The following SCN4B variants were observed in gnomAD, a reference collection of about 807,000 sequenced individuals.
The protein encoded by SCN4B is sodium channel regulatory subunit beta-4.
A neutral mutation model predicts 19.6 loss-of-function variants in SCN4B; 20 were observed. That is an observed-to-expected ratio of 1.02 (90% confidence interval 0.72 to 1.48). The LOEUF (loss-of-function observed/expected upper bound fraction) is 1.48, where lower values mean the gene tolerates loss of function less well. Ranked by LOEUF, SCN4B falls within the 40% of genes most tolerant of loss-of-function variation. SCN4B has a pLI of 0.00. For missense variants in SCN4B, 271 were observed against 287.5 expected (o/e 0.94, Z 0.42); for synonymous variants, 127 against 122.8 (o/e 1.03, Z -0.22).
At chr11:118,139,241 C>G (rs1291451459) in intron 4 of SCN4B, among the ~76,000 whole-genome samples, 4 of 152,146 alleles carry the variant, frequency 2.6e-5, no homozygotes, top group Non-Finnish European at 5.9e-5. Context: ...AGCCCACTTC[C>G]CAGACTCTCT....
Position 118,135,900 on chromosome 11 carries a change from C to T in SCN4B, c.*1127G>A, listed in dbSNP as rs1165584827. 8 of 454,222 alleles carry T rather than the reference C, an allele frequency of 1.8e-5. No homozygotes were observed. Among genetic ancestry groups the T allele is most frequent in the Non-Finnish European group, 2.6e-5 (6 of 226,730 alleles). The allele number at this position is 454,222 out of a possible 1,614,324, so 28.1% of individuals were successfully genotyped here. On this transcript the variant is annotated 3_prime_UTR_variant, in exon 5 of 5. Transcript: ENST00000324727. The stretch of plus-strand genomic sequence containing the variant: ...CAACCCCAGGGTGGGAGGGGGTGGC[C>T]CAGCTGAGCAGGAAGCAGCTGGGAA...
At chr11:118,149,677 G>T (rs1948217231) in intron 1 of SCN4B, among the ~76,000 whole-genome samples, 1 of 152,204 alleles carries the variant, frequency 6.6e-6, no homozygotes, top group Admixed American at 6.5e-5. Context: ...CCAGCAGCAT[G>T]CCTGTCCCTC....
rs79939550 is a variant in SCN4B at position 118,148,225 on chromosome 11, G to A, written c.62-2996C>T. Reference sequence around the variant, plus strand: ...CGAGTGAAAGCATCAGAGAGGGTGGGCAAGCCTGGCTTCTTCAGTGCACAG... The same window carrying A: ...CGAGTGAAAGCATCAGAGAGGGTGGACAAGCCTGGCTTCTTCAGTGCACAG... On this transcript the variant is annotated intron_variant, in intron 1 of 4. Coordinates refer to ENST00000324727, the MANE Select transcript of SCN4B (RefSeq NM_174934.4). This position sits in a 1 kb window ranked among gnomAD's most constrained non-coding sequence, Gnocchi z 4.0. Among the ~76,000 whole-genome samples the A allele has an allele frequency of 3.9e-4, 59 of 152,344 alleles. No individual in the cohort carries two copies. Among genetic ancestry groups the A allele is most frequent in the Middle Eastern group, 3.4e-3 (1 of 294 alleles).
chr11:118,145,471 G>C (rs1307456983), intron 1 of SCN4B: 1 of 1,435,104 alleles, frequency 7.0e-7, no homozygotes, highest in Non-Finnish European at 9.2e-7. Flanking sequence ...TTGCGCTCTG[G>C]ATGACCACCA....
Position 118,137,096 on chromosome 11 carries a change from C to A in SCN4B, c.618G>T (p.Ser206=), listed in dbSNP as rs773921790. 6.2e-7 allele frequency: 1 copy of A among 1,613,950 alleles called. No homozygotes were observed. The highest frequency in any genetic ancestry group is 8.5e-7 in the Non-Finnish European group (1 of 1,179,824). The change falls in exon 5 of 5, where the codon TCG becomes TCT. Residue 206 remains serine, a synonymous_variant. Coordinates refer to ENST00000324727, the MANE Select transcript of SCN4B (RefSeq NM_174934.4). ...EKKKECLVSS[S]GNDNTENGLP... The stretch of plus-strand genomic sequence containing the variant: ...AGCCGTTCTCCGTGTTGTCATTCCC[C>A]GAGGAGCTCACGAGACACTCCTTCC...
Position 118,133,481 on chromosome 11 carries a change from A to G in SCN4B, c.*3546T>C, listed in dbSNP as rs758495836. 8 of 453,988 alleles carry G rather than the reference A, an allele frequency of 1.8e-5. No individual in the cohort carries two copies. Among genetic ancestry groups the G allele is most frequent in the South Asian group, 1.1e-4 (7 of 64,480 alleles). The allele number at this position is 453,988 out of a possible 1,614,324, so 28.1% of individuals were successfully genotyped here. ...CTGATTATATCCGTTCTGTGCTCGA[A>G]CACAAGTCAGTGCTGGCTGTGTGGG... On this transcript the variant is annotated 3_prime_UTR_variant, in exon 5 of 5. Transcript: ENST00000324727.
In SCN4B at chr11:118,136,770, CA is replaced by C; in HGVS notation, c.*256del. 1 of 607,596 alleles carries C rather than the reference CA, an allele frequency of 1.6e-6. No individual in the cohort carries two copies. The highest frequency in any genetic ancestry group is 1.5e-5 in the South Asian group (1 of 65,794). The allele number at this position is 607,596 out of a possible 1,614,324, so 37.6% of individuals were successfully genotyped here. A position where few individuals can be genotyped will look rare whatever the true frequency, so the allele number is the denominator to read the frequency against. ...AGGTGTCAGGGGACCAGCCCCTCCA[CA>C]CCACCCTAGCCTCTCCTTTCTTTCT... On this transcript the variant is annotated 3_prime_UTR_variant, in exon 5 of 5. Coordinates refer to ENST00000324727, the MANE Select transcript of SCN4B (RefSeq NM_174934.4).
intron 4 of SCN4B, 151 bp downstream of exon 4, chr11:118,141,056 G>T: frequency 1.2e-6 from 1 of 842,044 alleles, no homozygotes; most frequent in Non-Finnish European, 2.0e-6. Context: ...GGGGCTGAGA[G>T]ATGGGGAGGG....
chr11:118,145,496 C>T, intron 1 of SCN4B: 1 of 1,375,150 alleles, frequency 7.3e-7, no homozygotes, highest in Non-Finnish European at 9.5e-7. Context: ...TCACCCCAAC[C>T]CAAGGAAACA....
Position 118,135,421 on chromosome 11 carries a change from G to T in SCN4B, c.*1606C>A. 1 of 454,084 alleles carries T rather than the reference G, an allele frequency of 2.2e-6. No homozygotes were observed. The highest frequency in any genetic ancestry group is 1.6e-5 in the South Asian group (1 of 64,478). 28.1% of individuals were successfully genotyped at this position (454,084 alleles called of 1,614,324 possible). A position where few individuals can be genotyped will look rare whatever the true frequency, so the allele number is the denominator to read the frequency against. ...TACTCCTCTCTCATCCCTCCTAGGG[G>T]CCCAGAAGACAGGGCATCAAAAAAT... is the stretch of plus-strand genomic sequence containing the variant. On this transcript the variant is annotated 3_prime_UTR_variant, in exon 5 of 5. Coordinates refer to ENST00000324727, the MANE Select transcript of SCN4B (RefSeq NM_174934.4).
chr11:118,144,098 G>T, intron 2 of SCN4B, 37 bp from the exon 3 acceptor site: 1 of 1,439,274 alleles, frequency 6.9e-7, no homozygotes, highest in Non-Finnish European at 9.8e-7. Context: ...GAAAGTAGCC[G>T]AGAAAGAATC....
At chr11:118,137,542 G>A (rs921543148) in intron 4 of SCN4B, among the ~76,000 whole-genome samples, 2 of 152,154 alleles carry the variant, frequency 1.3e-5, no homozygotes, top group Non-Finnish European at 2.9e-5. Flanking sequence ...GTGGTGGCAG[G>A]CGCCTATAGT....
In SCN4B at chr11:118,137,004, A is replaced by G; in HGVS notation, c.*23T>C. On this transcript the variant is annotated 3_prime_UTR_variant, in exon 5 of 5. Coordinates refer to ENST00000324727, the MANE Select transcript of SCN4B (RefSeq NM_174934.4). Reference sequence around the variant, plus strand: ...CATCATCAGAAAGGGGGCTCCCTGCAGCTGCTCAGCCCGAAGCAGGGCTCA... The same window carrying G: ...CATCATCAGAAAGGGGGCTCCCTGCGGCTGCTCAGCCCGAAGCAGGGCTCA... The G allele has an allele frequency of 6.5e-7, 1 of 1,546,812 alleles. No individual in the cohort carries two copies. Among genetic ancestry groups the G allele is most frequent in the Middle Eastern group, 1.7e-4 (1 of 5,916 alleles).
At position 118,133,887 on chromosome 11, in the gene SCN4B, A is replaced by G. The variant is rs771603355; in HGVS notation, c.*3140T>C. On this transcript the variant is annotated 3_prime_UTR_variant, in exon 5 of 5. Transcript: ENST00000324727. ...TTTCTCAGTCTCCAGATGCCTCAAC[A>G]GGCATAGCTCAGGCCAAGAAAGACG... is the stretch of plus-strand genomic sequence containing the variant. 1 of 454,436 alleles carries G rather than the reference A, an allele frequency of 2.2e-6. No homozygotes were observed. Among genetic ancestry groups the G allele is most frequent in the South Asian group, 1.6e-5 (1 of 64,478 alleles). The allele number at this position is 454,436 out of a possible 1,614,324, so 28.2% of individuals were successfully genotyped here. A position where few individuals can be genotyped will look rare whatever the true frequency, so the allele number is the denominator to read the frequency against.
At chr11:118,146,673 T>G (rs1243566010) in intron 1 of SCN4B, among the ~76,000 whole-genome samples, 1 of 152,162 alleles carries the variant, frequency 6.6e-6, no homozygotes, top group Non-Finnish European at 1.5e-5. Flanking sequence ...AGCCCTAAAA[T>G]CACACCCCGT....
In SCN4B at chr11:118,134,133, T is replaced by TC; in HGVS notation, c.*2893dup. 2.2e-6 allele frequency: 1 copy of TC among 454,316 alleles called. No homozygotes were observed. Among genetic ancestry groups the TC allele is most frequent in the Non-Finnish European group, 4.4e-6 (1 of 226,792 alleles). 28.1% of individuals were successfully genotyped at this position (454,316 alleles called of 1,614,324 possible). A position where few individuals can be genotyped will look rare whatever the true frequency, so the allele number is the denominator to read the frequency against. ...GTAGTCTGAGCCCCATCGGCTGCTC[T>TC]CCCCAGGCCTCTCTAACATCAGGGG... On this transcript the variant is annotated 3_prime_UTR_variant, in exon 5 of 5. Coordinates refer to ENST00000324727, the MANE Select transcript of SCN4B (RefSeq NM_174934.4).
At position 118,136,350 on chromosome 11, in the gene SCN4B, T is replaced by C; in HGVS notation, c.*677A>G. ...TAACCCAGAGAGCAGAGGAGCAGGCTAGGTGGCCAGGAACCCTCAAGACCA... is the reference window on the plus strand; with the variant it reads ...TAACCCAGAGAGCAGAGGAGCAGGCCAGGTGGCCAGGAACCCTCAAGACCA... On this transcript the variant is annotated 3_prime_UTR_variant, in exon 5 of 5. Transcript: ENST00000324727. The C allele has an allele frequency of 2.2e-6, 1 of 453,548 alleles. No homozygotes were observed. The highest frequency in any genetic ancestry group is 1.6e-5 in the South Asian group (1 of 64,448). 28.1% of individuals were successfully genotyped at this position (453,548 alleles called of 1,614,324 possible).
At chr11:118,151,839 A>C (rs1948235594) in intron 1 of SCN4B, among the ~76,000 whole-genome samples, 1 of 152,244 alleles carries the variant, frequency 6.6e-6, no homozygotes, top group South Asian at 2.1e-4. Context: ...TTGGAGTTTG[A>C]CACTCAAAAC....
intron 4 of SCN4B, among the ~76,000 whole-genome samples, chr11:118,140,444 C>G (rs1230789800): frequency 6.6e-6 from 1 of 152,246 alleles, no homozygotes; most frequent in Non-Finnish European, 1.5e-5. Flanking sequence ...GTTCTCCATT[C>G]TCTGCATCTC....
Sources: allele counts gnomAD v4.1 joint callset (sites outside exome capture counted in the v4.1 genomes callset), GRCh38; gene constraint gnomAD v4.1.1; non-coding constraint Gnocchi (gnomAD v3.1); transcripts MANE v1.5; gene names NCBI Gene and HGNC (gene_info 2026-07-23, HGNC 2026-07-21).